The following PCDHA6 variants were observed in gnomAD, a reference collection of about 807,000 sequenced individuals.
PCDHA6 encodes the protein protocadherin alpha 6, also known as protocadherin alpha-6.
In PCDHA6, 55 loss-of-function variants were observed where a neutral mutation model predicts 60.3. The ratio of observed to expected loss-of-function variants is 0.91; its 90% CI spans 0.73 to 1.14. The LOEUF is 1.14. Among genes scored for constraint, PCDHA6 ranks in the 50% most tolerant of loss-of-function variants. The pLI is 0.00. For missense variants in PCDHA6, 1,327 were observed against 1,256.5 expected (o/e 1.06, Z -0.85); for synonymous variants, 652 against 557.9 (o/e 1.17, Z -2.38).
intron 1 of PCDHA6, among the ~76,000 whole-genome samples, chr5:140,879,619 G>C (rs1554170883): frequency 6.6e-6 from 1 of 152,182 alleles, no homozygotes; most frequent in African/African-American, 2.4e-5. Flanking sequence ...CAGGTACTTA[G>C]GTGGGTAAGT....
intron 1 of PCDHA6, among the ~76,000 whole-genome samples, chr5:140,970,168 G>T (rs1050888983): frequency 6.6e-6 from 1 of 152,168 alleles, no homozygotes; most frequent in Non-Finnish European, 1.5e-5. Context: ...ACCTTTCTTG[G>T]CATACTCTGA....
Position 140,842,183 on chromosome 5 carries a change from A to G in PCDHA6, c.2394+11698A>G, listed in dbSNP as rs1554138845. On this transcript the variant is annotated intron_variant, in intron 1 of 3. Transcript: ENST00000529310. ...TTCTTTTAATAGCCTTGTTGAAACT[A>G]TGGTTATTGACCACTTTAGCATAGA... is the stretch of plus-strand genomic sequence containing the variant. The G allele has an allele frequency of 1.9e-6, 3 of 1,613,754 alleles. No individual in the cohort carries two copies. In the East Asian group the frequency reaches 6.7e-5, roughly 36 times the overall value.
intron 1 of PCDHA6, among the ~76,000 whole-genome samples, chr5:140,881,717 G>A (rs374516377): frequency 2.6e-5 from 4 of 152,160 alleles, no homozygotes; most frequent in African/African-American, 9.7e-5. Flanking sequence ...GTGTGAGGAG[G>A]TCTTGAAAAA....
At position 141,010,163 on chromosome 5, in the gene PCDHA6, C is replaced by T; in HGVS notation, c.*226C>T. Reference sequence around the variant, plus strand: ...CTTTCTCTCCACTCTGGCTTGTTTTCAGAACCTAAAAAGCAGACCCAAGTT... The same window carrying T: ...CTTTCTCTCCACTCTGGCTTGTTTTTAGAACCTAAAAAGCAGACCCAAGTT... On this transcript the variant is annotated 3_prime_UTR_variant, in exon 4 of 4. Transcript: ENST00000529310. 1 of 1,565,826 alleles carries T rather than the reference C, an allele frequency of 6.4e-7. No homozygotes were observed. The highest frequency in any genetic ancestry group is 8.7e-7 in the Non-Finnish European group (1 of 1,154,220).
At chr5:141,000,413 ATATATATATTT>A (rs1563651437) in intron 3 of PCDHA6, among the ~76,000 whole-genome samples, 3 of 93,258 alleles carry the variant, frequency 3.2e-5, no homozygotes, top group African/African-American at 1.4e-4. Flanking sequence ...ATATATATAT[ATATATATATTT>A]TTTTTTTTTT....
At chr5:140,984,965 T>G (rs2097128606) in intron 3 of PCDHA6, among the ~76,000 whole-genome samples, 1 of 151,666 alleles carries the variant, frequency 6.6e-6, no homozygotes, top group Non-Finnish European at 1.5e-5. Context: ...TGAGACAGAG[T>G]CTCGCTCTGT....
Position 140,828,164 on chromosome 5 carries a change from A to C in PCDHA6, c.73A>C (p.Lys25Gln). Reference sequence around the variant, plus strand: ...CCCGCTTCTGCTCCTCGCAGCCTGGAAGGTGGGGAGCGGCCAGCTCCACTA... The same window carrying C: ...CCCGCTTCTGCTCCTCGCAGCCTGGCAGGTGGGGAGCGGCCAGCTCCACTA... The part of the protein sequence containing the change: ...LLPLLLLAAW[K>Q]VGSGQLHYSV... The change falls in exon 1 of 4, where the codon AAG becomes CAG. Residue 25 changes from lysine (K) to glutamine (Q), a missense_variant. Transcript: ENST00000529310. 3.1e-6 allele frequency: 5 copies of C among 1,614,130 alleles called. No individual in the cohort carries two copies. The highest frequency in any genetic ancestry group is 4.2e-6 in the Non-Finnish European group (5 of 1,180,020).
chr5:140,993,256 A>C lies in PCDHA6; in HGVS notation c.2542+10693A>C, dbSNP rs1419636248. Among the ~76,000 whole-genome samples, 3 of 152,148 alleles carry C rather than the reference A, an allele frequency of 2.0e-5. No homozygotes were observed. In the East Asian group the frequency reaches 5.8e-4, roughly 29 times the overall value. On this transcript the variant is annotated intron_variant, in intron 3 of 3. Coordinates refer to ENST00000529310, the MANE Select transcript of PCDHA6 (RefSeq NM_018909.4). The stretch of plus-strand genomic sequence containing the variant: ...CTGAATCTGGGGATTTAGATATATA[A>C]ATTAGCTTCTTTGGTCTTTTCTTGC...
chr5:140,965,012 C>T (rs1405445486), intron 1 of PCDHA6, among the ~76,000 whole-genome samples: 2 of 152,188 alleles, frequency 1.3e-5, no homozygotes, highest in African/African-American at 4.8e-5. Flanking sequence ...GTCAGGATCA[C>T]AACCTTGGCT....
At chr5:140,878,855 T>C (rs905851216) in intron 1 of PCDHA6, among the ~76,000 whole-genome samples, 3 of 152,250 alleles carry the variant, frequency 2.0e-5, no homozygotes, top group Admixed American at 6.5e-5. Context: ...TGGGTTCAAC[T>C]GATCCTCCAT....
chr5:140,836,230 C>T, intron 1 of PCDHA6: 5 of 1,613,786 alleles, frequency 3.1e-6, no homozygotes, highest in Non-Finnish European at 4.2e-6. Context: ...CCGGTGGCGG[C>T]CGGTGCGAGC....
At chr5:140,969,162 C>T in intron 1 of PCDHA6, 1 of 1,614,110 alleles carries the variant, frequency 6.2e-7, no homozygotes, top group Non-Finnish European at 8.5e-7. Flanking sequence ...TGTCTGACAG[C>T]AGGCTCAGGG....
intron 1 of PCDHA6, chr5:140,871,259 C>A (rs1554165338): frequency 3.1e-6 from 5 of 1,613,958 alleles, no homozygotes; most frequent in Non-Finnish European, 4.2e-6. Context: ...CTGTATACGG[C>A]GCTGTGGTGG....
At chr5:140,856,076 G>T in intron 1 of PCDHA6, 1 of 1,593,874 alleles carries the variant, frequency 6.3e-7, no homozygotes, top group Non-Finnish European at 8.6e-7. Flanking sequence ...CTGCCTGGGG[G>T]TCCAGTGTCT....
At chr5:140,832,615 T>C (rs1377031016) in intron 1 of PCDHA6, among the ~76,000 whole-genome samples, 1 of 152,198 alleles carries the variant, frequency 6.6e-6, no homozygotes, top group Non-Finnish European at 1.5e-5. Flanking sequence ...AGTGAGTAAA[T>C]GTTTTTTAAA....
chr5:140,867,025 C>G lies in PCDHA6; in HGVS notation c.2394+36540C>G, dbSNP rs560327933. 2.6e-5 allele frequency: 4 copies of G among 152,270 alleles called. No homozygotes were observed. The East Asian group carries it at 7.7e-4, about 29-fold the overall frequency. The allele number at this position is 152,270 out of a possible 1,614,324, so 9.4% of individuals were successfully genotyped here. Reference sequence around the variant, plus strand: ...TCATTGATTCATACACTATATCAAACTCTTTTATGACTTGGCGTTTGTTCA... The same window carrying G: ...TCATTGATTCATACACTATATCAAAGTCTTTTATGACTTGGCGTTTGTTCA... On this transcript the variant is annotated intron_variant, in intron 1 of 3. Transcript: ENST00000529310.
At chr5:140,970,442 A>G (rs1003756532) in intron 1 of PCDHA6, among the ~76,000 whole-genome samples, 3 of 152,182 alleles carry the variant, frequency 2.0e-5, no homozygotes, top group Non-Finnish European at 4.4e-5. Flanking sequence ...TAGTATATGC[A>G]CTAGTTTTGA....
intron 1 of PCDHA6, chr5:140,927,739 CG>C: frequency 1.2e-6 from 2 of 1,614,212 alleles, no homozygotes; most frequent in Non-Finnish European, 1.7e-6. Flanking sequence ...GCTGCGACAC[CG>C]CTTTCACGTG....
At chr5:141,006,584 G>C (rs1554260824) in intron 3 of PCDHA6, among the ~76,000 whole-genome samples, 2 of 152,126 alleles carry the variant, frequency 1.3e-5, no homozygotes, top group Admixed American at 6.6e-5. Flanking sequence ...GAGGGTTGGA[G>C]AGAAGCAAAA....
Sources: gnomAD v4.1 joint callset for allele counts (sites outside exome capture counted in the v4.1 genomes callset) on GRCh38, gnomAD v4.1.1 for gene constraint, MANE v1.5 for transcripts, NCBI Gene and HGNC (gene_info 2026-07-23, HGNC 2026-07-21) for gene names.